Variants in CYP3A43 observed in about 807,000 individuals in gnomAD.
CYP3A43 encodes cytochrome P450 family 3 subfamily A member 43, also known as cytochrome P450 3A43.
In CYP3A43, 45 loss-of-function variants were observed where a neutral mutation model predicts 58.0. That is an observed-to-expected ratio of 0.78 (90% CI 0.61 to 0.99). The LOEUF (loss-of-function observed/expected upper bound fraction) is 0.99, where lower values mean the gene tolerates loss of function less well. Among genes scored for constraint, CYP3A43 ranks in the 50% least tolerant of loss-of-function variants. The pLI, the probability that CYP3A43 is intolerant of heterozygous loss-of-function variation, is 0.00. For synonymous variants in CYP3A43, 191 were observed against 201.4 expected (o/e 0.95, Z 0.44); for missense variants, 593 against 591.9 (o/e 1.00, Z -0.02).
At chr7:99,854,807 C>A (rs1355552070) in intron 7 of CYP3A43, among the ~76,000 whole-genome samples, 1 of 152,128 alleles carries the variant, frequency 6.6e-6, no homozygotes, top group Non-Finnish European at 1.5e-5. Context: ...CTTTCTACTT[C>A]AGCTCATTGG....
intron 5 of CYP3A43, chr7:99,847,940 G>A (rs1473747439): frequency 7.1e-6 from 4 of 564,080 alleles, no homozygotes; most frequent in Non-Finnish European, 1.3e-5. Context: ...TGAATCTAGA[G>A]GCGGAGGTTG....
chr7:99,861,448 A>G (rs1818227636), intron 10 of CYP3A43, among the ~76,000 whole-genome samples, 165 bp from the exon 11 acceptor site: 1 of 152,236 alleles, frequency 6.6e-6, no homozygotes, highest in Admixed American at 6.5e-5. Flanking sequence ...GCCATCGAGC[A>G]CATCACTGGG....
chr7:99,855,408 C>G, intron 7 of CYP3A43, 183 bp from the exon 8 acceptor site: 3 of 691,920 alleles, frequency 4.3e-6, no homozygotes, highest in South Asian at 4.2e-5. Flanking sequence ...TCTGCTCTTG[C>G]TCAGCCATTG....
intron 9 of CYP3A43, among the ~76,000 whole-genome samples, chr7:99,858,077 C>A (rs1818059773): frequency 6.6e-6 from 1 of 151,938 alleles, no homozygotes. Context: ...CATGTAGCTG[C>A]TGCCAATGAA....
intron 4 of CYP3A43, 115 bp from the exon 5 acceptor site, chr7:99,847,373 A>T (rs1817575549): frequency 9.7e-7 from 1 of 1,035,408 alleles, no homozygotes; most frequent in Admixed American, 2.4e-5. Flanking sequence ...CCTGCCACCC[A>T]GTAGATAGTT....
At chr7:99,847,875 G>A (rs1221161425) in intron 5 of CYP3A43, 28 of 508,984 alleles carry the variant, frequency 5.5e-5, no homozygotes, top group Middle Eastern at 5.5e-4. Flanking sequence ...AGCTGGGCAT[G>A]GTGGCGGATG....
At chr7:99,831,912 G>A (rs1241004337) in intron 1 of CYP3A43, among the ~76,000 whole-genome samples, 1 of 152,204 alleles carries the variant, frequency 6.6e-6, no homozygotes, top group Non-Finnish European at 1.5e-5. Flanking sequence ...AGAACATATA[G>A]GTCAATCACA....
chr7:99,839,968 T>C (rs1363110783), intron 3 of CYP3A43, among the ~76,000 whole-genome samples: 1 of 152,208 alleles, frequency 6.6e-6, no homozygotes, highest in Non-Finnish European at 1.5e-5. Context: ...CTTTTTTTAC[T>C]GTAAATGGGG....
intron 1 of CYP3A43, among the ~76,000 whole-genome samples, chr7:99,833,488 CAG>C (rs1392117622): frequency 1.3e-5 from 2 of 152,222 alleles, no homozygotes; most frequent in African/African-American, 4.8e-5. Flanking sequence ...GCTAGGGAAA[CAG>C]GGTCTTTGCA....
At chr7:99,861,391 TGTAA>T (rs1326173091) in intron 10 of CYP3A43, among the ~76,000 whole-genome samples, 1 of 152,212 alleles carries the variant, frequency 6.6e-6, no homozygotes, top group East Asian at 1.9e-4. Context: ...TCAGTCTCTG[TGTAA>T]GTGATTGTGC....
chr7:99,865,906 A>T lies in CYP3A43; in HGVS notation c.1417A>T (p.Ile473Phe). ...GAATATTCTTGTTTAACTTTTGCAG[A>T]TCCCACTGAAATTAGACAATCTACC... ...FSFKPCKETQIPLKLDNLPIL... is the reference protein window; with the variant it reads ...FSFKPCKETQFPLKLDNLPIL... The change falls in exon 13 of 13, where the codon ATC (isoleucine) becomes TTC (phenylalanine). Residue 473 changes from isoleucine to phenylalanine, a missense_variant and splice_region_variant. Transcript: ENST00000354829. 6.4e-7 allele frequency: 1 copy of T among 1,556,278 alleles called. No homozygotes were observed. Among genetic ancestry groups the T allele is most frequent in the Non-Finnish European group, 8.6e-7 (1 of 1,167,294 alleles).
At chr7:99,860,094 G>A (rs1818170180) in intron 10 of CYP3A43, 104 bp downstream of exon 10, 1 of 1,393,510 alleles carries the variant, frequency 7.2e-7, no homozygotes, top group Non-Finnish European at 9.7e-7. Context: ...GTAAGCATCA[G>A]TTCTTTCATT....
At chr7:99,839,309 C>A in intron 3 of CYP3A43, 137 bp downstream of exon 3, 3 of 1,051,948 alleles carry the variant, frequency 2.9e-6, no homozygotes, top group East Asian at 2.5e-5. Flanking sequence ...GAGAGGCTAT[C>A]TAAAAGAAAA....
chr7:99,855,551 T>A, intron 7 of CYP3A43, 40 bp from the exon 8 acceptor site: 2 of 1,570,270 alleles, frequency 1.3e-6, no homozygotes, highest in Non-Finnish European at 1.7e-6. Context: ...CATTTTTCAC[T>A]ATGATTTATT....
Position 99,839,327 on chromosome 7 carries a change from C to G in CYP3A43, c.218+155C>G, listed in dbSNP as rs1037442868. The G allele has an allele frequency of 1.5e-5, 14 of 909,606 alleles. No individual in the cohort carries two copies. In the African/African-American group the frequency reaches 2.2e-4, roughly 14 times the overall value. The allele number at this position is 909,606 out of a possible 1,614,324, so 56.3% of individuals were successfully genotyped here. On this transcript the variant is annotated intron_variant, in intron 3 of 12. Coordinates refer to ENST00000354829, the MANE Select transcript of CYP3A43 (RefSeq NM_057095.3). ...AGGCTATCTAAAAGAAAAAGATGAT[C>G]TGGGAATTGAGCATTGCAAGGGGAA...
At chr7:99,830,986 G>A (rs2151585987) in intron 1 of CYP3A43, among the ~76,000 whole-genome samples, 1 of 152,188 alleles carries the variant, frequency 6.6e-6, no homozygotes, top group Non-Finnish European at 1.5e-5. Context: ...AGTGTTTACT[G>A]ACATCATTCA....
At chr7:99,854,565 T>C (rs1021955156) in intron 7 of CYP3A43, among the ~76,000 whole-genome samples, 2 of 152,174 alleles carry the variant, frequency 1.3e-5, no homozygotes, top group African/African-American at 4.8e-5. Flanking sequence ...CTGTATTTCA[T>C]TAGGTTACAC....
In CYP3A43 at chr7:99,855,786, G is replaced by A. The variant is rs1013016836; in HGVS notation, c.798+68G>A. 39 of 1,492,990 alleles carry A rather than the reference G, an allele frequency of 2.6e-5. No homozygotes were observed. The African/African-American group carries it at 4.3e-4, about 16-fold the overall frequency. The allele number at this position is 1,492,990 out of a possible 1,614,324, so 92.5% of individuals were successfully genotyped here. A position where few individuals can be genotyped will look rare whatever the true frequency, so the allele number is the denominator to read the frequency against. On this transcript the variant is annotated intron_variant, in intron 8 of 12. Coordinates refer to ENST00000354829, the MANE Select transcript of CYP3A43 (RefSeq NM_057095.3). ...TTATATTTTTGGGCTGTTTACATAC[G>A]ATTTGTGCACTTATCTGTGTTTTTT...
chr7:99,833,336 T>C (rs1816924297), intron 1 of CYP3A43, among the ~76,000 whole-genome samples: 1 of 152,184 alleles, frequency 6.6e-6, no homozygotes, highest in Non-Finnish European at 1.5e-5. Context: ...GGGGGAGATC[T>C]GTGGAGAGGG....
Sources: gnomAD v4.1 joint callset for allele counts (sites outside exome capture counted in the v4.1 genomes callset) on GRCh38, gnomAD v4.1.1 for gene constraint, MANE v1.5 for transcripts, NCBI Gene and HGNC (gene_info 2026-07-23, HGNC 2026-07-21) for gene names.